The following MACROD2 variants were observed in gnomAD, a reference collection of about 807,000 sequenced individuals.
MACROD2 encodes the protein mono-ADP ribosylhydrolase 2, also known as ADP-ribose glycohydrolase MACROD2.
A neutral mutation model predicts 70.4 loss-of-function variants in MACROD2; 36 were observed. That is an observed-to-expected ratio of 0.51 (90% confidence interval 0.39 to 0.68). MACROD2 has a LOEUF of 0.68. Among genes scored for constraint, MACROD2 ranks in the 30% least tolerant of loss-of-function variants. MACROD2 has a pLI of 0.00. For missense variants in MACROD2, 496 were observed against 538.4 expected (o/e 0.92, Z 0.78); for synonymous variants, 172 against 178.8 (o/e 0.96, Z 0.30).
chr20:14,330,229 T>C (rs141395761), intron 3 of MACROD2, among the ~76,000 whole-genome samples: 35 of 152,190 alleles, frequency 2.3e-4, no homozygotes, highest in Non-Finnish European at 4.7e-4. Flanking sequence ...AAGAGATCAT[T>C]GAATTTAATG....
chr20:14,162,147 G>A (rs957165199), intron 3 of MACROD2, among the ~76,000 whole-genome samples: 7 of 152,078 alleles, frequency 4.6e-5, no homozygotes, highest in Non-Finnish European at 5.9e-5. Context: ...TCAGTAGCAC[G>A]TTGTTTAATT....
At chr20:14,974,166 C>T (rs1000718219) in intron 5 of MACROD2, among the ~76,000 whole-genome samples, 1 of 152,174 alleles carries the variant, frequency 6.6e-6, no homozygotes, top group East Asian at 1.9e-4. Context: ...TTCTGTGGCA[C>T]TTGCCAGTTG....
chr20:15,109,427 A>G (rs1023098966), intron 5 of MACROD2, among the ~76,000 whole-genome samples: 4 of 152,178 alleles, frequency 2.6e-5, no homozygotes, highest in African/African-American at 9.6e-5. Context: ...AGATTGTCCA[A>G]TCAGTTATTT....
intron 5 of MACROD2, among the ~76,000 whole-genome samples, chr20:15,208,537 C>G (rs1156983290): frequency 6.6e-6 from 1 of 152,120 alleles, no homozygotes; most frequent in Admixed American, 6.6e-5. Context: ...CTTGACTTAG[C>G]AGACTTTCTC....
intron 3 of MACROD2, among the ~76,000 whole-genome samples, chr20:14,140,380 G>C (rs958557225): frequency 5.9e-5 from 9 of 152,154 alleles, no homozygotes; most frequent in Admixed American, 5.2e-4. Context: ...TCTGTTATTA[G>C]TTGTATAAAC....
At chr20:14,614,328 T>C (rs748785359) in intron 4 of MACROD2, among the ~76,000 whole-genome samples, 42 of 152,262 alleles carry the variant, frequency 2.8e-4, no homozygotes, top group South Asian at 1.7e-3. Flanking sequence ...TAGCTCTTCA[T>C]ATTTCAGTGG....
chr20:14,026,214 A>G (rs1220078807), intron 2 of MACROD2, among the ~76,000 whole-genome samples: 4 of 151,844 alleles, frequency 2.6e-5, no homozygotes, highest in Non-Finnish European at 2.9e-5. Context: ...ATCTTCCTCC[A>G]TCCTTTTGAG....
intron 8 of MACROD2, among the ~76,000 whole-genome samples, chr20:15,761,862 T>C (rs2146999446): frequency 6.6e-6 from 1 of 152,356 alleles, no homozygotes; most frequent in Non-Finnish European, 1.5e-5. Flanking sequence ...GGAAGACCTT[T>C]GATTTCCTTC....
At chr20:14,363,686 T>TAGCA (rs1555785380) in intron 3 of MACROD2, among the ~76,000 whole-genome samples, 4 of 150,610 alleles carry the variant, frequency 2.7e-5, no homozygotes, top group African/African-American at 7.3e-5. Context: ...CCGGGCGCGG[T>TAGCA]GGCGCCTGTA....
intron 7 of MACROD2, among the ~76,000 whole-genome samples, chr20:15,450,918 T>A (rs956798527): frequency 6.6e-6 from 1 of 152,160 alleles, no homozygotes; most frequent in Non-Finnish European, 1.5e-5. Context: ...TGGAATTGCG[T>A]CCATCTCACT....
chr20:15,652,566 G>A (rs1476407392), intron 8 of MACROD2, among the ~76,000 whole-genome samples: 1 of 152,152 alleles, frequency 6.6e-6, no homozygotes, highest in East Asian at 1.9e-4. Flanking sequence ...TTCTATGTCA[G>A]CCTTGCAGTG....
At chr20:15,021,070 A>G (rs1188442285) in intron 5 of MACROD2, among the ~76,000 whole-genome samples, 2 of 141,206 alleles carry the variant, frequency 1.4e-5, no homozygotes, top group Admixed American at 6.9e-5. Flanking sequence ...ATGTATACAC[A>G]TGTGTGTATG....
intron 5 of MACROD2, among the ~76,000 whole-genome samples, chr20:15,027,260 A>G (rs16995219): frequency 0.013 from 2,019 of 152,308 alleles, 51 homozygotes; most frequent in African/African-American, 0.047. Context: ...AGGCATGTCC[A>G]TCTCTTTGTC....
intron 10 of MACROD2, among the ~76,000 whole-genome samples, chr20:15,887,135 A>G (rs1452729147): frequency 6.6e-6 from 1 of 152,120 alleles, no homozygotes; most frequent in East Asian, 1.9e-4. Flanking sequence ...ATTCTGATGC[A>G]TTTGATCTCA....
intron 5 of MACROD2, among the ~76,000 whole-genome samples, chr20:15,155,958 C>A (rs1448473933): frequency 6.6e-6 from 1 of 152,148 alleles, no homozygotes; most frequent in Non-Finnish European, 1.5e-5. Flanking sequence ...TGCTAGTCAA[C>A]TCTGAGTCAG....
intron 8 of MACROD2, among the ~76,000 whole-genome samples, chr20:15,556,676 C>T (rs1225881900): frequency 6.6e-6 from 1 of 152,112 alleles, no homozygotes; most frequent in Non-Finnish European, 1.5e-5. Flanking sequence ...GGAGATATTA[C>T]CAAAAAGAAT....
intron 8 of MACROD2, among the ~76,000 whole-genome samples, chr20:15,665,551 A>G (rs1211551951): frequency 6.6e-6 from 1 of 152,160 alleles, no homozygotes; most frequent in African/African-American, 2.4e-5. Context: ...CACAATAGAA[A>G]CTAATCAATT....
At chr20:14,703,308 G>A (rs1439229972) in intron 5 of MACROD2, among the ~76,000 whole-genome samples, 2 of 152,090 alleles carry the variant, frequency 1.3e-5, no homozygotes, top group Non-Finnish European at 2.9e-5. Context: ...GCAACAGCTG[G>A]GAAGGAGGGG....
At chr20:14,125,615 C>G (rs2054638684) in intron 3 of MACROD2, among the ~76,000 whole-genome samples, 1 of 152,072 alleles carries the variant, frequency 6.6e-6, no homozygotes, top group Admixed American at 6.6e-5. Context: ...TACACATACT[C>G]TATACATGCA....
Sources: gnomAD v4.1 joint callset for allele counts (sites outside exome capture counted in the v4.1 genomes callset) on GRCh38, gnomAD v4.1.1 for gene constraint, MANE v1.5 for transcripts, NCBI Gene and HGNC (gene_info 2026-07-23, HGNC 2026-07-21) for gene names.